The following MIB1 variants were observed in gnomAD, a reference collection of about 807,000 sequenced individuals.
The protein encoded by MIB1 is MIB E3 ubiquitin protein ligase 1, also known as E3 ubiquitin-protein ligase MIB1.
A neutral mutation model predicts 124.5 loss-of-function variants in MIB1; 278 were observed. The observed-to-expected ratio is 2.23, with a 90% CI of 2.02 to 2.47. The LOEUF (loss-of-function observed/expected upper bound fraction) is 2.47, where lower values mean the gene tolerates loss of function less well. Among genes scored for constraint, MIB1 ranks in the 30% most tolerant of loss-of-function variants. The probability of loss-of-function intolerance (pLI) is 0.00; values close to 1 mark genes in which losing one functional copy is unlikely to be tolerated. For missense variants in MIB1, 957 were observed against 1,254.4 expected (o/e 0.76, Z 3.58); for synonymous variants, 446 against 429.4 (o/e 1.04, Z -0.48).
At chr18:21,795,295 A>G (rs1184841360) in intron 7 of MIB1, among the ~76,000 whole-genome samples, 2 of 132,728 alleles carry the variant, frequency 1.5e-5, no homozygotes, top group Admixed American at 7.5e-5. Flanking sequence ...ATGTATATAT[A>G]TAATATATAA....
intron 1 of MIB1, among the ~76,000 whole-genome samples, chr18:21,725,924 T>C: frequency 6.6e-6 from 1 of 152,190 alleles, no homozygotes; most frequent in Non-Finnish European, 1.5e-5. Flanking sequence ...TGATCATAAG[T>C]AGTTAAAAGA....
chr18:21,788,728 C>T (rs2041467276), intron 6 of MIB1, among the ~76,000 whole-genome samples: 1 of 152,140 alleles, frequency 6.6e-6, no homozygotes, highest in South Asian at 2.1e-4. Flanking sequence ...CCCAAAGAAT[C>T]CACAAAAGCT....
Position 21,733,088 on chromosome 18 carries a change from C to T in MIB1, n.167+27965C>T, listed in dbSNP as rs185830633. Among the ~76,000 whole-genome samples the T allele has an allele frequency of 2.9e-3, 446 of 152,246 alleles. 4 individuals are homozygous for T. The highest frequency in any genetic ancestry group is 9.5e-3 in the African/African-American group (396 of 41,558). On this transcript the variant is annotated intron_variant and non_coding_transcript_variant, in intron 1 of 20. Transcript: ENST00000578646. Reference sequence around the variant, plus strand: ...TTTGATTGTACTTTGTCTTTAGGATCGTACTGGTAAAGTTGTGTTCCATCT... The same window carrying T: ...TTTGATTGTACTTTGTCTTTAGGATTGTACTGGTAAAGTTGTGTTCCATCT...
intron 1 of MIB1, among the ~76,000 whole-genome samples, chr18:21,762,072 G>T (rs887343307): frequency 6.6e-6 from 1 of 152,084 alleles, no homozygotes; most frequent in Non-Finnish European, 1.5e-5. Flanking sequence ...ATTTTAAAAA[G>T]AAAATAGGAA....
At chr18:21,834,194 T>G (rs2042007061) in intron 12 of MIB1, among the ~76,000 whole-genome samples, 1 of 152,224 alleles carries the variant, frequency 6.6e-6, no homozygotes, top group African/African-American at 2.4e-5. Flanking sequence ...TCTGAACTAC[T>G]GCTGTTGACG....
At chr18:21,824,765 T>C (rs2041909493) in intron 12 of MIB1, among the ~76,000 whole-genome samples, 1 of 151,762 alleles carries the variant, frequency 6.6e-6, no homozygotes, top group Non-Finnish European at 1.5e-5. Flanking sequence ...TTTAAACTAC[T>C]CTTGTCTTCA....
chr18:21,858,501 G>C (rs777282029), intron 19 of MIB1, 45 bp from the exon 20 acceptor site: 1 of 847,322 alleles, frequency 1.2e-6, no homozygotes, highest in Admixed American at 2.1e-5. Flanking sequence ...ATGTCATTCT[G>C]TCAAAGCAAT....
At chr18:21,802,797 G>A (rs112572840) in intron 9 of MIB1, among the ~76,000 whole-genome samples, 1,549 of 152,250 alleles carry the variant, frequency 0.01, 22 homozygotes, top group African/African-American at 0.035. Flanking sequence ...TGGACTTGTT[G>A]ACTTTGCATT....
At chr18:21,849,021 G>C (rs2042158734) in intron 16 of MIB1, among the ~76,000 whole-genome samples, 175 bp from the exon 17 acceptor site, 1 of 152,102 alleles carries the variant, frequency 6.6e-6, no homozygotes. Flanking sequence ...ATCTAAAGAT[G>C]CAGAGACGCA....
intron 15 of MIB1, among the ~76,000 whole-genome samples, chr18:21,845,756 T>A (rs1164410805): frequency 6.6e-6 from 1 of 152,164 alleles, no homozygotes. Context: ...CCCAAGTAGC[T>A]GGCATTGCAG....
rs929759762 is a variant in MIB1 at position 21,865,284 on chromosome 18, G to C, written c.*618G>C. 4.6e-5 allele frequency: 7 copies of C among 151,912 alleles called. No individual in the cohort carries two copies. Among genetic ancestry groups the C allele is most frequent in the African/African-American group, 1.5e-4 (6 of 41,358 alleles). The allele number at this position is 151,912 out of a possible 1,614,324, so 9.4% of individuals were successfully genotyped here. On this transcript the variant is annotated 3_prime_UTR_variant, in exon 21 of 21. Coordinates refer to ENST00000261537, the MANE Select transcript of MIB1 (RefSeq NM_020774.4). Reference sequence around the variant, plus strand: ...GGAATAATGACTTTGCATTTCTCTTGTTTTCTAGATTCAAAAGGAACATTG... The same window carrying C: ...GGAATAATGACTTTGCATTTCTCTTCTTTTCTAGATTCAAAAGGAACATTG...
intron 1 of MIB1, among the ~76,000 whole-genome samples, chr18:21,715,043 A>T (rs903467629): frequency 6.6e-6 from 1 of 152,130 alleles, no homozygotes; most frequent in Admixed American, 6.5e-5. Context: ...TTTGCTCTAG[A>T]CCTACTCCAG....
At chr18:21,734,836 CTT>C (rs1399802124) in intron 1 of MIB1, among the ~76,000 whole-genome samples, 1 of 152,178 alleles carries the variant, frequency 6.6e-6, no homozygotes, top group African/African-American at 2.4e-5. Flanking sequence ...GCCAGGGACT[CTT>C]TTCAAACTAA....
intron 10 of MIB1, among the ~76,000 whole-genome samples, chr18:21,811,260 C>T (rs2041770391): frequency 6.6e-6 from 1 of 152,038 alleles, no homozygotes; most frequent in Admixed American, 6.6e-5. Flanking sequence ...ACTCTTTGCA[C>T]TGTTCATAGG....
rs371114648 is a variant in MIB1, at chr18:21,834,492, A to G, written c.1830-3873A>G. Among the ~76,000 whole-genome samples the G allele has an allele frequency of 3.3e-4, 50 of 152,344 alleles. No individual in the cohort carries two copies. The Middle Eastern group carries it at 0.01, about 31-fold the overall frequency. Reference sequence around the variant, plus strand: ...GATACGGAAATGTTTACATTGGAGAAACATGAAGAACACTACTTCAGCCAG... The same window carrying G: ...GATACGGAAATGTTTACATTGGAGAGACATGAAGAACACTACTTCAGCCAG... On this transcript the variant is annotated intron_variant, in intron 12 of 20. Coordinates refer to ENST00000261537, the MANE Select transcript of MIB1 (RefSeq NM_020774.4).
chr18:21,864,490 G>A (rs928714943), intron 20 of MIB1, 36 bp from the exon 21 acceptor site: 2 of 1,523,260 alleles, frequency 1.3e-6, no homozygotes, highest in African/African-American at 2.7e-5. Context: ...CAAATATAAA[G>A]TGTCTAATTT....
intron 18 of MIB1, among the ~76,000 whole-genome samples, chr18:21,855,656 C>A (rs910998717): frequency 2.6e-5 from 4 of 152,178 alleles, no homozygotes; most frequent in African/African-American, 9.7e-5. Flanking sequence ...ACTGACTGTT[C>A]TCCATCCAGC....
chr18:21,832,929 C>A (rs1014312640), intron 12 of MIB1, among the ~76,000 whole-genome samples: 2 of 152,192 alleles, frequency 1.3e-5, no homozygotes, highest in African/African-American at 4.8e-5. Context: ...CAAACACTTA[C>A]ATAATGTGTT....
chr18:21,853,999 T>G (rs971120313), intron 18 of MIB1, among the ~76,000 whole-genome samples: 1 of 105,870 alleles, frequency 9.4e-6, no homozygotes, highest in African/African-American at 3.7e-5. Context: ...GGCAACAGAC[T>G]GAGACTCAGT....
Sources: gnomAD v4.1 joint callset for allele counts (sites outside exome capture counted in the v4.1 genomes callset) on GRCh38, gnomAD v4.1.1 for gene constraint, MANE v1.5 for transcripts, NCBI Gene and HGNC (gene_info 2026-07-23, HGNC 2026-07-21) for gene names.